The following FLVCR1 variants were observed in gnomAD, a reference collection of about 807,000 sequenced individuals.
The protein encoded by FLVCR1 is choline/ethanolamine transporter FLVCR1.
Under a neutral mutation model 53.6 loss-of-function variants are expected in FLVCR1, and 34 were observed. The observed-to-expected ratio is 0.63, with a 90% CI of 0.48 to 0.84. The LOEUF is 0.84. Ranked by LOEUF, FLVCR1 falls within the 40% of genes least tolerant of loss-of-function variation. The pLI is 0.00. For synonymous variants in FLVCR1, 300 were observed against 286.3 expected (o/e 1.05, Z -0.48); for missense variants, 677 against 696.7 (o/e 0.97, Z 0.32).
Position 212,885,291 on chromosome 1 carries a change from A to G in FLVCR1, c.1093-2A>G, listed in dbSNP as rs764661768. 3 of 1,611,534 alleles carry G rather than the reference A, an allele frequency of 1.9e-6. No individual in the cohort carries two copies. Among genetic ancestry groups the G allele is most frequent in the South Asian group, 1.1e-5 (1 of 91,038 alleles). On this transcript the variant is annotated splice_acceptor_variant, in intron 4 of 9. Coordinates refer to ENST00000366971, the MANE Select transcript of FLVCR1 (RefSeq NM_014053.4). LOFTEE classifies it high-confidence loss of function. Reference sequence around the variant, plus strand: ...TCAACTTCTTACGCAAATTTTTTTCAGGGAGAAGAAGTCAATGCTGGAAGG... The same window carrying G: ...TCAACTTCTTACGCAAATTTTTTTCGGGGAGAAGAAGTCAATGCTGGAAGG...
At chr1:212,867,078 C>T (rs1410198701) in intron 2 of FLVCR1, among the ~76,000 whole-genome samples, 2 of 152,220 alleles carry the variant, frequency 1.3e-5, no homozygotes, top group East Asian at 1.9e-4. Flanking sequence ...AGTCCCACCA[C>T]GTCCTCATAA....
At chr1:212,871,865 C>T (rs982971601) in intron 2 of FLVCR1, among the ~76,000 whole-genome samples, 1 of 152,170 alleles carries the variant, frequency 6.6e-6, no homozygotes, top group Non-Finnish European at 1.5e-5. Flanking sequence ...GAGTGTCAGA[C>T]ACCATATACC....
chr1:212,874,269 A>G (rs577190859), intron 3 of FLVCR1, among the ~76,000 whole-genome samples: 3 of 152,298 alleles, frequency 2.0e-5, no homozygotes, highest in Admixed American at 2.0e-4. Flanking sequence ...TTGGCCTCCG[A>G]AAGTGCGGGA....
chr1:212,858,899 G>A lies in FLVCR1; in HGVS notation c.447G>A (p.Leu149=), dbSNP rs371271294. Residue 149 remains leucine (L), a synonymous_variant, in exon 1 of 10, where the codon CTG becomes CTA. Coordinates refer to ENST00000366971, the MANE Select transcript of FLVCR1 (RefSeq NM_014053.4). ...TCACCTTGCTGCACATCGACTGGCT[G>A]TCCATGGTGTACATGCTGGCCTACG... ...YGVTLLHIDW[L]SMVYMLAYVP... is the part of the protein sequence containing the mutation. The A allele has an allele frequency of 1.9e-6, 3 of 1,614,130 alleles. No individual in the cohort carries two copies. In the African/African-American group the frequency reaches 4.0e-5, roughly 22 times the overall value.
At position 212,896,897 on chromosome 1, in the gene FLVCR1, G is replaced by A. The variant is rs1269210146; in HGVS notation, c.*1607G>A. Reference sequence around the variant, plus strand: ...AAAAAAAAAAAAAAAAAGGCCAGGCGCAGTGCTGTGGCTCATGCCTGTAAT... The same window carrying A: ...AAAAAAAAAAAAAAAAAGGCCAGGCACAGTGCTGTGGCTCATGCCTGTAAT... On this transcript the variant is annotated 3_prime_UTR_variant, in exon 10 of 10. Coordinates refer to ENST00000366971, the MANE Select transcript of FLVCR1 (RefSeq NM_014053.4). 2.4e-5 allele frequency: 3 copies of A among 125,778 alleles called. No homozygotes were observed. Among genetic ancestry groups the A allele is most frequent in the Non-Finnish European group, 3.3e-5 (2 of 61,016 alleles). The allele number at this position is 125,778 out of a possible 1,614,324, so 7.8% of individuals were successfully genotyped here.
chr1:212,889,938 T>C (rs1234153007), intron 8 of FLVCR1, among the ~76,000 whole-genome samples: 1 of 152,170 alleles, frequency 6.6e-6, no homozygotes, highest in Non-Finnish European at 1.5e-5. Context: ...TGAGGATTAA[T>C]TGAAATGGTT....
chr1:212,876,465 A>G (rs1664756664), intron 3 of FLVCR1, among the ~76,000 whole-genome samples: 1 of 151,434 alleles, frequency 6.6e-6, no homozygotes, highest in Admixed American at 6.6e-5. Flanking sequence ...TCCCAGGTTC[A>G]GGTGATTCTC....
chr1:212,877,686 G>GTTTTTTTTTTTT (rs56783462), intron 3 of FLVCR1, among the ~76,000 whole-genome samples: 1 of 127,184 alleles, frequency 7.9e-6, no homozygotes, highest in Non-Finnish European at 1.6e-5. Flanking sequence ...TCTGATGATA[G>GTTTTTTTTTTTT]TTTTTTTTTT....
At chr1:212,885,111 A>G (rs1426396641) in intron 4 of FLVCR1, among the ~76,000 whole-genome samples, 182 bp from the exon 5 acceptor site, 1 of 152,166 alleles carries the variant, frequency 6.6e-6, no homozygotes, top group African/African-American at 2.4e-5. Context: ...TTTAAAATAT[A>G]ATGCTTTTAT....
At chr1:212,859,616 G>A (rs2102528682) in intron 1 of FLVCR1, among the ~76,000 whole-genome samples, 1 of 152,216 alleles carries the variant, frequency 6.6e-6, no homozygotes, top group South Asian at 2.1e-4. Flanking sequence ...AACTCAGGAG[G>A]CTGAGGCAGG....
intron 3 of FLVCR1, among the ~76,000 whole-genome samples, chr1:212,878,155 G>A (rs1193206105): frequency 6.6e-6 from 1 of 152,030 alleles, no homozygotes; most frequent in African/African-American, 2.4e-5. Flanking sequence ...GCTAACAAAG[G>A]TTTACTACCT....
chr1:212,865,980 G>GTTTTTT (rs1491202805), intron 2 of FLVCR1, among the ~76,000 whole-genome samples: 23 of 32,090 alleles, frequency 7.2e-4, no homozygotes, highest in East Asian at 0.011. Context: ...TTTGGGGTTT[G>GTTTTTT]GTTTTTTTTT....
chr1:212,872,542 AC>A, intron 2 of FLVCR1, 135 bp from the exon 3 acceptor site: 1 of 620,878 alleles, frequency 1.6e-6, no homozygotes, highest in South Asian at 2.3e-5. Flanking sequence ...ACCATAAAAG[AC>A]TTATATACCT....
chr1:212,881,990 C>T (rs998292121), intron 3 of FLVCR1, among the ~76,000 whole-genome samples: 1 of 152,200 alleles, frequency 6.6e-6, no homozygotes, highest in Non-Finnish European at 1.5e-5. Context: ...ATATCACACA[C>T]ATTCACATTG....
chr1:212,889,346 G>T, intron 8 of FLVCR1, 89 bp downstream of exon 8: 1 of 831,328 alleles, frequency 1.2e-6, no homozygotes, highest in East Asian at 2.5e-5. Context: ...CAGAACTCAA[G>T]GGGAAAAAAA....
intron 1 of FLVCR1, among the ~76,000 whole-genome samples, chr1:212,862,914 C>T (rs1426041041): frequency 1.3e-5 from 2 of 152,100 alleles, no homozygotes; most frequent in Admixed American, 6.5e-5. Flanking sequence ...GGTTTTGATT[C>T]GGGCATGTTT....
chr1:212,884,215 C>G (rs1344423416), intron 4 of FLVCR1, among the ~76,000 whole-genome samples: 1 of 152,100 alleles, frequency 6.6e-6, no homozygotes, highest in African/African-American at 2.4e-5. Context: ...AGGAGAAACA[C>G]TTGAGCCTGG....
At chr1:212,862,988 A>G (rs372173381) in intron 1 of FLVCR1, among the ~76,000 whole-genome samples, 16 of 152,280 alleles carry the variant, frequency 1.1e-4, no homozygotes, top group African/African-American at 3.1e-4. Context: ...TCTTTTGCCC[A>G]TTTTAAAATT....
chr1:212,888,872 T>G (rs1553265748), intron 7 of FLVCR1, among the ~76,000 whole-genome samples: 1 of 152,066 alleles, frequency 6.6e-6, no homozygotes, highest in Non-Finnish European at 1.5e-5. Context: ...TTATTTTTTG[T>G]AGAGATGGTG....
Sources: gnomAD v4.1 joint callset for allele counts (sites outside exome capture counted in the v4.1 genomes callset) on GRCh38, gnomAD v4.1.1 for gene constraint, MANE v1.5 for transcripts, NCBI Gene and HGNC (gene_info 2026-07-23, HGNC 2026-07-21) for gene names.